Variants in ZUP1 observed in about 807,000 individuals in gnomAD.
The protein encoded by ZUP1 is zinc finger-containing ubiquitin peptidase 1.
ZUP1 carries 55 observed loss-of-function variants against 68.1 expected under a neutral mutation model. That is an observed-to-expected ratio of 0.81 (90% CI 0.65 to 1.01). The LOEUF is 1.01. ZUP1 is among the 50% of genes least tolerant of loss of function. The pLI is 0.00. For synonymous variants in ZUP1, 223 were observed against 221.5 expected (o/e 1.01, Z -0.06); for missense variants, 684 against 674.9 (o/e 1.01, Z -0.15).
intron 2 of ZUP1, among the ~76,000 whole-genome samples, chr6:116,665,746 GTTTTTTGGTTTTTTTTT>G (rs1776986227): frequency 1.5e-5 from 2 of 135,848 alleles, no homozygotes; most frequent in South Asian, 4.8e-4. Flanking sequence ...GGCCTGGCTA[GTTTTTTGGTTTTTTTTT>G]TTTTTTTTGA....
rs764621157 is a variant in ZUP1, at chr6:116,645,873, T to C, written c.1530A>G (p.Ile510Met). ...CTCGAGAAGGACATCCAGGATCAAG[T>C]ATTAGTAAGCATAATGTTCGGTTTT... ...EKKNRTLCLL[I>M]LDPGCPSREM... Residue 510 changes from isoleucine (I) to methionine (M), a missense_variant, in exon 9 of 10, where the codon ATA (isoleucine) becomes ATG (methionine). Transcript: ENST00000368576. The C allele has an allele frequency of 1.2e-6, 2 of 1,613,904 alleles. No individual in the cohort carries two copies. Among genetic ancestry groups the C allele is most frequent in the East Asian group, 2.2e-5 (1 of 44,796 alleles).
At chr6:116,636,182 C>G (rs957085336) in intron 9 of ZUP1, among the ~76,000 whole-genome samples, 1 of 151,966 alleles carries the variant, frequency 6.6e-6, no homozygotes, top group Non-Finnish European at 1.5e-5. Context: ...TGAATAAAAA[C>G]AGAGAGGAGG....
Position 116,666,701 on chromosome 6 carries a change from C to A in ZUP1, c.492G>T (p.Glu164Asp). The change falls in exon 2 of 10, where the codon GAG becomes GAT. Residue 164 changes from glutamate (E) to aspartate (D), a missense_variant. Transcript: ENST00000368576. The part of the protein sequence containing the change: ...PECPFCGKIE[E>D]HSEDMETHVK... ...CATGAGTTTCCATATCTTCACTGTGCTCCTCTATTTTTCCACAGAATGGAC... is the reference window on the plus strand; with the variant it reads ...CATGAGTTTCCATATCTTCACTGTGATCCTCTATTTTTCCACAGAATGGAC... The A allele has an allele frequency of 6.2e-7, 1 of 1,612,286 alleles. No homozygotes were observed. The highest frequency in any genetic ancestry group is 8.5e-7 in the Non-Finnish European group (1 of 1,179,456).
In ZUP1 at chr6:116,651,992, G is replaced by T. The variant is rs1393938699; in HGVS notation, c.1150+12C>A. On this transcript the variant is annotated intron_variant, in intron 6 of 9. Coordinates refer to ENST00000368576, the MANE Select transcript of ZUP1 (RefSeq NM_145062.3). Reference sequence around the variant, plus strand: ...ATCAGATGACAAGTTCAGAGTACTAGATTTCACATACCTTTTAAGCAATCG... The same window carrying T: ...ATCAGATGACAAGTTCAGAGTACTATATTTCACATACCTTTTAAGCAATCG... 1.2e-6 allele frequency: 2 copies of T among 1,612,362 alleles called. No homozygotes were observed. Among genetic ancestry groups the T allele is most frequent in the African/African-American group, 1.3e-5 (1 of 74,856 alleles).
intron 9 of ZUP1, among the ~76,000 whole-genome samples, chr6:116,642,213 G>C (rs1451288914): frequency 6.6e-6 from 1 of 151,968 alleles, no homozygotes; most frequent in Non-Finnish European, 1.5e-5. Context: ...CAACCAAAAA[G>C]AGTCCAGGAC....
intron 3 of ZUP1, among the ~76,000 whole-genome samples, chr6:116,659,929 A>G (rs1172448346): frequency 1.3e-5 from 2 of 152,178 alleles, no homozygotes; most frequent in African/African-American, 4.8e-5. Flanking sequence ...AGTCACACTC[A>G]ATGTTTAGTG....
chr6:116,660,790 G>A lies in ZUP1; in HGVS notation c.616C>T (p.His206Tyr), dbSNP rs747494381. 1.2e-6 allele frequency: 2 copies of A among 1,610,612 alleles called. No individual in the cohort carries two copies. The highest frequency in any genetic ancestry group is 1.1e-5 in the South Asian group (1 of 90,226). Residue 206 changes from histidine (H) to tyrosine (Y), a missense_variant, in exon 3 of 10, where the codon CAT becomes TAT. Transcript: ENST00000368576. Reference protein sequence around the residue: ...PMCGLICTNYHILQEHVDLHL... With the variant: ...PMCGLICTNYYILQEHVDLHL... Reference sequence around the variant, plus strand: ...AAGTCAACATGTTCCTGAAGAATATGGTAATTTGTACATATGAGCCCACAC... The same window carrying A: ...AAGTCAACATGTTCCTGAAGAATATAGTAATTTGTACATATGAGCCCACAC...
intron 9 of ZUP1, 150 bp from the exon 10 acceptor site, chr6:116,636,029 G>A: frequency 2.1e-6 from 1 of 469,964 alleles, no homozygotes; most frequent in Non-Finnish European, 3.6e-6. Flanking sequence ...TCAAACTTCT[G>A]AAATTAGGAA....
Position 116,635,861 on chromosome 6 carries a change from G to C in ZUP1, c.1708C>G (p.Gln570Glu). 1 of 1,597,372 alleles carries C rather than the reference G, an allele frequency of 6.3e-7. No homozygotes were observed. Among genetic ancestry groups the C allele is most frequent in the Non-Finnish European group, 8.5e-7 (1 of 1,173,930 alleles). The change falls in exon 10 of 10, where the codon CAA becomes GAA. Residue 570 changes from glutamine to glutamate, a missense_variant. Physicochemically the swap from Gln to Glu is conservative, Grantham distance 29. Coordinates refer to ENST00000368576, the MANE Select transcript of ZUP1 (RefSeq NM_145062.3). ...GGAATCTTCTCGGCTGTAAAGACTT[G>C]AGAAGCTTGTCTCCTGGCCTTGAAA... The part of the protein sequence containing the change: ...EEKLARRQAS[Q>E]VFTAEKIP
chr6:116,637,342 TATGTA>T (rs1428430238), intron 9 of ZUP1, among the ~76,000 whole-genome samples: 2 of 152,178 alleles, frequency 1.3e-5, no homozygotes, highest in African/African-American at 4.8e-5. Flanking sequence ...TTAGTTAACA[TATGTA>T]ATGTGCTTAG....
At chr6:116,653,811 C>A (rs143972771) in intron 5 of ZUP1, among the ~76,000 whole-genome samples, 29 of 152,026 alleles carry the variant, frequency 1.9e-4, no homozygotes, top group African/African-American at 6.5e-4. Flanking sequence ...CATTCTAGTA[C>A]ATTTTAGTAT....
At position 116,656,825 on chromosome 6, in the gene ZUP1, C is replaced by A. The variant is rs1327790489; in HGVS notation, c.820G>T (p.Gly274Ter). 1.5e-5 allele frequency: 24 copies of A among 1,605,462 alleles called. No homozygotes were observed. Among genetic ancestry groups the A allele is most frequent in the Non-Finnish European group, 2.0e-5 (23 of 1,175,052 alleles). ...TTTCGTAGTTGTTGTTGTTTGTATCCTCCAGAATTATCTAAACCATATTGT... is the reference window on the plus strand; with the variant it reads ...TTTCGTAGTTGTTGTTGTTTGTATCATCCAGAATTATCTAAACCATATTGT... ...QRQYGLDNSG[G>*]YKQQQLRNME... Residue 274 changes from glycine (G) to a stop codon, truncating the protein, a stop_gained, in exon 5 of 10, where the codon GGA becomes TGA. Transcript: ENST00000368576. LOFTEE classifies it high-confidence loss of function.
intron 1 of ZUP1, among the ~76,000 whole-genome samples, chr6:116,668,249 A>C (rs1282709492): frequency 2.0e-5 from 3 of 152,166 alleles, no homozygotes; most frequent in Non-Finnish European, 4.4e-5. Flanking sequence ...CCCCAGTGGG[A>C]TTAATGTCAC....
At chr6:116,661,111 A>G (rs1776826968) in intron 2 of ZUP1, among the ~76,000 whole-genome samples, 1 of 152,020 alleles carries the variant, frequency 6.6e-6, no homozygotes, top group Non-Finnish European at 1.5e-5. Context: ...CCTGGACTCA[A>G]GTGATCCTTC....
chr6:116,648,927 G>A (rs940161338), intron 7 of ZUP1, among the ~76,000 whole-genome samples: 9 of 150,832 alleles, frequency 6.0e-5, no homozygotes, highest in African/African-American at 2.2e-4. Flanking sequence ...CCAAGATCGC[G>A]CCACTGCACT....
intron 4 of ZUP1, among the ~76,000 whole-genome samples, chr6:116,657,519 G>A (rs975414317): frequency 5.3e-5 from 8 of 152,062 alleles, no homozygotes; most frequent in South Asian, 2.1e-4. Flanking sequence ...TTCCTATTTT[G>A]CAAGTATTGT....
chr6:116,668,252 A>T (rs1378852961), intron 1 of ZUP1, among the ~76,000 whole-genome samples: 1 of 152,204 alleles, frequency 6.6e-6, no homozygotes, highest in Non-Finnish European at 1.5e-5. Flanking sequence ...CAGTGGGATT[A>T]ATGTCACACC....
At chr6:116,656,539 T>A in intron 5 of ZUP1, 145 bp downstream of exon 5, 1 of 639,392 alleles carries the variant, frequency 1.6e-6, no homozygotes. Context: ...ATCATAAAAA[T>A]AATTCAGAAG....
At chr6:116,638,424 T>C (rs1370328653) in intron 9 of ZUP1, among the ~76,000 whole-genome samples, 4 of 152,190 alleles carry the variant, frequency 2.6e-5, no homozygotes, top group African/African-American at 9.7e-5. Context: ...GGAATTTTTC[T>C]GGAATATTGT....
Sources: gnomAD v4.1 joint callset for allele counts (sites outside exome capture counted in the v4.1 genomes callset) on GRCh38, gnomAD v4.1.1 for gene constraint, MANE v1.5 for transcripts, NCBI Gene and HGNC (gene_info 2026-07-23, HGNC 2026-07-21) for gene names.